The following ZNF581 variants were observed in gnomAD, a reference collection of about 807,000 sequenced individuals.
ZNF581 encodes zinc finger protein 581.
ZNF581 carries 1 observed loss-of-function variant against 1.2 expected under a neutral mutation model. The ratio of observed to expected loss-of-function variants is 0.83; its 90% CI spans 0.30 to 3.95. ZNF581 has a LOEUF of 3.95. ZNF581 is among the 30% of genes most tolerant of loss of function. The pLI is 0.18. For missense variants in ZNF581, 273 were observed against 274.6 expected, an observed-to-expected ratio of 0.99 and a Z score of 0.04; for synonymous variants, 105 against 109.2, an observed-to-expected ratio of 0.96 and a Z score of 0.24.
chr19:55,642,639 G>A (rs759413868), upstream of ZNF581: 1 of 1,437,492 alleles, frequency 7.0e-7, no homozygotes, highest in Non-Finnish European at 9.1e-7. Flanking sequence ...TCGGCGGCGG[G>A]GCCCCGACCC....
upstream of ZNF581, chr19:55,642,206 GA>G: frequency 1.7e-6 from 2 of 1,167,396 alleles, no homozygotes; most frequent in Non-Finnish European, 2.1e-6. Flanking sequence ...GAAAAGGGAA[GA>G]AAAGTCGGGG....
At chr19:55,640,621 G>A (rs932284223), upstream of ZNF581, 1 of 985,434 alleles carries the variant, frequency 1.0e-6, no homozygotes. Context: ...CGGCCACATC[G>A]GAGCCAATGG....
At chr19:55,640,132 C>T (rs1460737556), upstream of ZNF581, 1 of 985,358 alleles carries the variant, frequency 1.0e-6, no homozygotes, top group Non-Finnish European at 1.2e-6. Flanking sequence ...TCAGCTGCAC[C>T]TGCAGATGCT....
At position 55,644,480 on chromosome 19, in the gene ZNF581, G is replaced by C. The variant is rs1982730601; in HGVS notation, c.-19-73G>C. Reference sequence around the variant, plus strand: ...AGGTCCTGGGCCGGGTATAGGGAGGGAAAAGGATGGAGCCTGTGGTGCTGA... The same window carrying C: ...AGGTCCTGGGCCGGGTATAGGGAGGCAAAAGGATGGAGCCTGTGGTGCTGA... On this transcript the variant is annotated intron_variant, in intron 1 of 1. Transcript: ENST00000270451. This position sits in a 1 kb window ranked among gnomAD's most constrained non-coding sequence, Gnocchi z 4.3. The C allele has an allele frequency of 1.0e-6, 1 of 997,230 alleles. No homozygotes were observed. Among genetic ancestry groups the C allele is most frequent in the African/African-American group, 1.6e-5 (1 of 61,196 alleles). The allele number at this position is 997,230 out of a possible 1,614,324, so 61.8% of individuals were successfully genotyped here.
chr19:55,643,071 C>G (rs1982630620), upstream of ZNF581: 2 of 1,338,248 alleles, frequency 1.5e-6, no homozygotes, highest in Non-Finnish European at 9.6e-7. Context: ...TCAGGGCCAC[C>G]AAGTCTGACC....
At chr19:55,635,333 G>A (rs561547136), upstream of ZNF581, 7 of 152,362 alleles carry the variant, frequency 4.6e-5, no homozygotes, top group South Asian at 1.2e-3. Flanking sequence ...GGGGAGAAGG[G>A]GCTATTTCCC....
upstream of ZNF581, chr19:55,642,432 A>G: frequency 7.2e-7 from 1 of 1,397,108 alleles, no homozygotes; most frequent in South Asian, 1.7e-5. Context: ...GATGCTTTCC[A>G]TTTTAGGAAA....
upstream of ZNF581, chr19:55,640,838 C>A (rs1982411364): frequency 1.0e-6 from 1 of 985,530 alleles, no homozygotes; most frequent in Non-Finnish European, 1.2e-6. Context: ...GGAATCGTTC[C>A]GTTCGGGAGG....
upstream of ZNF581, among the ~76,000 whole-genome samples, chr19:55,637,914 T>C (rs562772910): frequency 3.3e-5 from 5 of 152,274 alleles, no homozygotes; most frequent in East Asian, 1.9e-4. Flanking sequence ...ATGTTGCTTA[T>C]TGTTGTCATT....
upstream of ZNF581, chr19:55,640,851 G>A: frequency 1.0e-6 from 1 of 985,548 alleles, no homozygotes. Flanking sequence ...TCGGGAGGTG[G>A]GAGGGGAGCG....
chr19:55,638,530 C>T (rs1405952797), upstream of ZNF581, among the ~76,000 whole-genome samples: 7 of 152,166 alleles, frequency 4.6e-5, no homozygotes, highest in Non-Finnish European at 1.0e-4. Flanking sequence ...CCACCACGCT[C>T]AGCCTGACAT....
upstream of ZNF581, chr19:55,643,021 C>A (rs1235549260): frequency 1.5e-6 from 2 of 1,361,088 alleles, no homozygotes; most frequent in African/African-American, 1.5e-5. Flanking sequence ...ACGTGCGCCT[C>A]CACTAAGCTC....
upstream of ZNF581, chr19:55,640,911 TC>T: frequency 1.0e-6 from 1 of 985,030 alleles, no homozygotes; most frequent in Non-Finnish European, 1.2e-6. Context: ...TCCGGTCCCC[TC>T]CCCGCAGGGC....
chr19:55,635,712 G>C, exon 1 of ZNF581: 5 of 988,230 alleles, frequency 5.1e-6, no homozygotes, highest in Non-Finnish European at 6.0e-6. Context: ...GTCTGGAACA[G>C]GTTGGGTGAG....
chr19:55,641,490 A>C (rs1170601041), upstream of ZNF581, among the ~76,000 whole-genome samples: 1 of 152,180 alleles, frequency 6.6e-6, no homozygotes, highest in African/African-American at 2.4e-5. Flanking sequence ...GCTGTGTGTA[A>C]CAGGGAGAGG....
upstream of ZNF581, chr19:55,643,272 G>A (rs1250845770): frequency 1.0e-5 from 5 of 498,738 alleles, no homozygotes; most frequent in Non-Finnish European, 1.3e-5. Context: ...CTGGGTTCCA[G>A]TCCAGCTGTG....
At chr19:55,642,512 C>T (rs1409309640), upstream of ZNF581, 29 of 1,430,326 alleles carry the variant, frequency 2.0e-5, no homozygotes, top group Admixed American at 1.1e-4. Flanking sequence ...GCTCCAGATG[C>T]TGCTGCTGCC....
rs1336298154 is a variant in ZNF581, at chr19:55,644,319, G to A, written c.-19-234G>A. On this transcript the variant is annotated intron_variant, in intron 1 of 1. Transcript: ENST00000270451. This position sits in a 1 kb window ranked among gnomAD's most constrained non-coding sequence, Gnocchi z 4.3. ...TGCAGAGGAGGTCAAGAGATCCTGT[G>A]AGTACAGTGTATGGTGGAGCACCGA... Among the ~76,000 whole-genome samples, 1 of 152,174 alleles carries A rather than the reference G, an allele frequency of 6.6e-6. No homozygotes were observed. The highest frequency in any genetic ancestry group is 1.5e-5 in the Non-Finnish European group (1 of 68,026).
chr19:55,641,514 G>A (rs1982476514), upstream of ZNF581, among the ~76,000 whole-genome samples: 1 of 152,188 alleles, frequency 6.6e-6, no homozygotes, highest in Admixed American at 6.5e-5. Context: ...GGGGCTCCTG[G>A]AAGAGGTGAA....
Sources: allele counts gnomAD v4.1 joint callset (sites outside exome capture counted in the v4.1 genomes callset), GRCh38; gene constraint gnomAD v4.1.1; non-coding constraint Gnocchi (gnomAD v3.1); transcripts MANE v1.5; gene names NCBI Gene and HGNC (gene_info 2026-07-23, HGNC 2026-07-21).